DYNC1I2: variants seen among roughly 807,000 people sequenced by gnomAD.
DYNC1I2 encodes the protein dynein cytoplasmic 1 intermediate chain 2, also known as cytoplasmic dynein 1 intermediate chain 2.
Under a neutral mutation model 88.6 loss-of-function variants are expected in DYNC1I2, and 53 were observed. The observed-to-expected ratio is 0.60, with a 90% CI of 0.48 to 0.75. The LOEUF (loss-of-function observed/expected upper bound fraction) is 0.75. Ranked by LOEUF, DYNC1I2 falls within the 30% of genes least tolerant of loss-of-function variation. DYNC1I2 has a pLI of 0.00. For synonymous variants in DYNC1I2, 198 were observed against 254.6 expected, an observed-to-expected ratio of 0.78 and a Z score of 2.12; for missense variants, 458 against 766.6, an observed-to-expected ratio of 0.60 and a Z score of 4.75.
At chr2:171,706,184 T>G (rs1207698952) in intron 3 of DYNC1I2, among the ~76,000 whole-genome samples, 1 of 152,166 alleles carries the variant, frequency 6.6e-6, no homozygotes, top group Non-Finnish European at 1.5e-5. Context: ...GGAACTTGCC[T>G]TCTTTTCAGT....
Position 171,728,423 on chromosome 2 carries a change from G to T in DYNC1I2, c.1257+5G>T. On this transcript the variant is annotated splice_donor_5th_base_variant and intron_variant, in intron 13 of 17. Coordinates refer to ENST00000397119, the MANE Select transcript of DYNC1I2 (RefSeq NM_001378.3). ...GACATGCTTTCCCATCCACAGGTGG[G>T]TTAAACTTGGGAAACTGAAATTTTG... is the stretch of plus-strand genomic sequence containing the variant. 1 of 1,553,426 alleles carries T rather than the reference G, an allele frequency of 6.4e-7. No individual in the cohort carries two copies. The highest frequency in any genetic ancestry group is 8.8e-7 in the Non-Finnish European group (1 of 1,141,192).
intron 15 of DYNC1I2, 106 bp downstream of exon 15, chr2:171,729,959 T>C: frequency 7.4e-7 from 1 of 1,342,844 alleles, no homozygotes. Flanking sequence ...AATTGTTTGC[T>C]AATAGATGAA....
At chr2:171,711,050 G>A (rs1035528177) in intron 5 of DYNC1I2, among the ~76,000 whole-genome samples, 4 of 146,706 alleles carry the variant, frequency 2.7e-5, no homozygotes, top group Admixed American at 1.4e-4. Context: ...CCCGGTATGT[G>A]ATGTTCTCCT....
intron 3 of DYNC1I2, among the ~76,000 whole-genome samples, chr2:171,699,400 C>A (rs916179069): frequency 1.1e-4 from 17 of 152,118 alleles, no homozygotes; most frequent in Admixed American, 1.1e-3. Context: ...TTTTCTTATA[C>A]TATCCATGTT....
chr2:171,710,817 C>T (rs1401280015), intron 5 of DYNC1I2, among the ~76,000 whole-genome samples: 1 of 151,448 alleles, frequency 6.6e-6, no homozygotes, highest in Non-Finnish European at 1.5e-5. Context: ...ACTCTCCTGC[C>T]TCAGTCTCCC....
At position 171,727,529 on chromosome 2, in the gene DYNC1I2, C is replaced by G. The variant is rs571617501; in HGVS notation, c.997-292C>G. On this transcript the variant is annotated intron_variant, in intron 11 of 17. Coordinates refer to ENST00000397119, the MANE Select transcript of DYNC1I2 (RefSeq NM_001378.3). ...CAGAGTCTAATGCAGGGCTAGTTAT[C>G]TTTTTAATACTGTAGTTAACTGAAA... is the stretch of plus-strand genomic sequence containing the variant. Among the ~76,000 whole-genome samples, 357 of 152,180 alleles carry G rather than the reference C, an allele frequency of 2.3e-3. 1 individual carries two copies. Among genetic ancestry groups the G allele is most frequent in the Middle Eastern group, 0.01 (3 of 294 alleles).
At chr2:171,731,105 T>A (rs890498431) in intron 15 of DYNC1I2, among the ~76,000 whole-genome samples, 1 of 152,224 alleles carries the variant, frequency 6.6e-6, no homozygotes, top group East Asian at 1.9e-4. Flanking sequence ...CAATGTTTAG[T>A]TTCTCTTTTA....
chr2:171,719,571 A>G lies in DYNC1I2; in HGVS notation c.511+4128A>G, dbSNP rs145383061. Among the ~76,000 whole-genome samples the G allele has an allele frequency of 1.2e-3, 182 of 152,338 alleles. 3 individuals are homozygous for G. In the East Asian group the frequency reaches 0.032, roughly 27 times the overall value. On this transcript the variant is annotated intron_variant, in intron 7 of 17. Transcript: ENST00000397119. The stretch of plus-strand genomic sequence containing the variant: ...GTTGGAGTGTAACAGACAGCAAATT[A>G]AACTTCTGTAGGCAGTAAAATCCAT...
At chr2:171,710,788 TG>T (rs1414250156) in intron 5 of DYNC1I2, among the ~76,000 whole-genome samples, 7 of 151,270 alleles carry the variant, frequency 4.6e-5, no homozygotes, top group Non-Finnish European at 8.9e-5. Flanking sequence ...CTTCAATCTC[TG>T]CCTCCTGGGT....
At chr2:171,738,464 C>T (rs1438369633) in intron 15 of DYNC1I2, among the ~76,000 whole-genome samples, 1 of 152,162 alleles carries the variant, frequency 6.6e-6, no homozygotes, top group Non-Finnish European at 1.5e-5. Flanking sequence ...TATACTATTC[C>T]ATTATGTAAA....
intron 7 of DYNC1I2, among the ~76,000 whole-genome samples, chr2:171,715,907 T>G (rs1018065177): frequency 6.6e-6 from 1 of 152,162 alleles, no homozygotes; most frequent in Non-Finnish European, 1.5e-5. Context: ...ATTCTTAAAT[T>G]TTCTCTTTTA....
intron 3 of DYNC1I2, among the ~76,000 whole-genome samples, chr2:171,700,995 G>T (rs1459439569): frequency 6.6e-6 from 1 of 152,104 alleles, no homozygotes; most frequent in African/African-American, 2.4e-5. Flanking sequence ...TCTGAGAAAA[G>T]TTGGTTAAAA....
intron 3 of DYNC1I2, 25 bp from the exon 4 acceptor site, chr2:171,706,518 GTGTC>G: frequency 1.3e-6 from 2 of 1,599,016 alleles, no homozygotes; most frequent in African/African-American, 2.7e-5. Flanking sequence ...AATATTTTGG[GTGTC>G]TGTATCTTTG....
intron 14 of DYNC1I2, 121 bp downstream of exon 14, chr2:171,728,971 G>A: frequency 9.1e-7 from 1 of 1,104,238 alleles, no homozygotes; most frequent in Non-Finnish European, 1.3e-6. Flanking sequence ...CAGATTTTTT[G>A]TGTTCAGGCA....
chr2:171,749,302 C>T lies in DYNC1I2; in HGVS notation c.*1413C>T, dbSNP rs1298501508. Among the ~76,000 whole-genome samples, 2 of 152,110 alleles carry T rather than the reference C, an allele frequency of 1.3e-5. No homozygotes were observed. Among genetic ancestry groups the T allele is most frequent in the Admixed American group, 6.5e-5 (1 of 15,272 alleles). On this transcript the variant is annotated 3_prime_UTR_variant, in exon 18 of 18. Transcript: ENST00000397119. ...ATTTAATGATTTCTGAATTTTCTTT[C>T]AGCTCTACTCAATTAAGGGGTATCA...
At chr2:171,731,073 C>A (rs1214342984) in intron 15 of DYNC1I2, among the ~76,000 whole-genome samples, 3 of 152,172 alleles carry the variant, frequency 2.0e-5, no homozygotes, top group Non-Finnish European at 4.4e-5. Context: ...AACACAGTGT[C>A]CAGCAAATAA....
rs532037346 is a variant in DYNC1I2 at position 171,726,331 on chromosome 2, T to A, written c.870+38T>A. ...AAAATAGGCCGCTCTTAACTCATTT[T>A]TAAAATTATAATTAGCAGGTCATTT... On this transcript the variant is annotated intron_variant, in intron 10 of 17. Coordinates refer to ENST00000397119, the MANE Select transcript of DYNC1I2 (RefSeq NM_001378.3). The A allele has an allele frequency of 5.4e-5, 75 of 1,400,028 alleles. 1 individual carries two copies. In the Middle Eastern group the frequency reaches 1.0e-3, roughly 19 times the overall value. 86.7% of individuals were successfully genotyped at this position (1,400,028 alleles called of 1,614,324 possible).
chr2:171,744,322 A>G (rs919269332), intron 16 of DYNC1I2, 133 bp downstream of exon 16: 5 of 982,960 alleles, frequency 5.1e-6, no homozygotes, highest in East Asian at 5.4e-5. Flanking sequence ...AAAGAACTCA[A>G]ATAAGCTTTG....
intron 15 of DYNC1I2, among the ~76,000 whole-genome samples, chr2:171,738,739 C>T (rs1689185040): frequency 1.3e-5 from 2 of 152,332 alleles, no homozygotes; most frequent in Non-Finnish European, 2.9e-5. Flanking sequence ...CATTGGTGTG[C>T]ATCAGAATCA....
Sources: allele counts gnomAD v4.1 joint callset (sites outside exome capture counted in the v4.1 genomes callset), GRCh38; gene constraint gnomAD v4.1.1; transcripts MANE v1.5; gene names NCBI Gene and HGNC (gene_info 2026-07-23, HGNC 2026-07-21).